Variants in PID1 observed in about 807,000 individuals in gnomAD.
PID1 encodes phosphotyrosine interaction domain containing 1.
Under a neutral mutation model 19.1 loss-of-function variants are expected in PID1, and 10 were observed. That is an observed-to-expected ratio of 0.52 (90% CI 0.32 to 0.89). The LOEUF (loss-of-function observed/expected upper bound fraction) is 0.89, where lower values mean the gene tolerates loss of function less well. Among genes scored for constraint, PID1 ranks in the 40% least tolerant of loss-of-function variants. PID1 has a pLI of 0.03. For synonymous variants in PID1, 130 were observed against 116.0 expected, an observed-to-expected ratio of 1.12 and a Z score of -0.78; for missense variants, 248 against 285.3, an observed-to-expected ratio of 0.87 and a Z score of 0.94.
chr2:229,099,523 G>T (rs1695035467), intron 2 of PID1, among the ~76,000 whole-genome samples: 1 of 152,128 alleles, frequency 6.6e-6, no homozygotes, highest in African/African-American at 2.4e-5. Flanking sequence ...AAGCGGGAGA[G>T]TTTATTTGAT....
intron 2 of PID1, among the ~76,000 whole-genome samples, chr2:229,026,522 G>GA (rs1693427978): frequency 6.6e-6 from 1 of 152,142 alleles, no homozygotes; most frequent in Non-Finnish European, 1.5e-5. Flanking sequence ...CACTGAGTTG[G>GA]AAAAACAAAA....
intron 1 of PID1, among the ~76,000 whole-genome samples, chr2:229,217,329 C>T (rs376321471): frequency 6.6e-6 from 1 of 152,192 alleles, no homozygotes; most frequent in Non-Finnish European, 1.5e-5. Context: ...TTAGGATTTG[C>T]TTTGTTTACT....
chr2:229,237,120 A>G (rs1417872123), intron 1 of PID1, among the ~76,000 whole-genome samples: 1 of 152,128 alleles, frequency 6.6e-6, no homozygotes, highest in Non-Finnish European at 1.5e-5. Context: ...GAACTACATG[A>G]TAGATCATGA....
intron 1 of PID1, among the ~76,000 whole-genome samples, chr2:229,265,702 G>C (rs1690578319): frequency 6.6e-6 from 1 of 152,136 alleles, no homozygotes; most frequent in Non-Finnish European, 1.5e-5. Context: ...TCCCTGAACT[G>C]CTGCTATTCA....
intron 2 of PID1, among the ~76,000 whole-genome samples, chr2:229,064,084 C>T (rs1694271148): frequency 6.6e-6 from 1 of 152,078 alleles, no homozygotes; most frequent in African/African-American, 2.4e-5. Context: ...GTGTGTAAGT[C>T]ACCTAATTGT....
chr2:229,093,790 A>G (rs1694922299), intron 2 of PID1, among the ~76,000 whole-genome samples: 2 of 152,160 alleles, frequency 1.3e-5, no homozygotes, highest in South Asian at 2.1e-4. Context: ...CAATCTAGGC[A>G]TAGAAAGAGC....
intron 2 of PID1, among the ~76,000 whole-genome samples, chr2:229,117,092 T>C (rs1408218858): frequency 6.6e-6 from 1 of 152,222 alleles, no homozygotes; most frequent in Non-Finnish European, 1.5e-5. Context: ...ATACATATCA[T>C]TTCAGTCCAG....
At chr2:229,227,921 G>C (rs765714601) in intron 1 of PID1, 1 of 454,664 alleles carries the variant, frequency 2.2e-6, no homozygotes, top group South Asian at 1.6e-5. Context: ...AGGAGGGTGT[G>C]CATCAGTTGT....
chr2:229,182,399 T>C (rs1690964766), intron 1 of PID1, among the ~76,000 whole-genome samples: 2 of 150,976 alleles, frequency 1.3e-5, no homozygotes, highest in South Asian at 2.2e-4. Flanking sequence ...AAATAAAACA[T>C]ATTTTTTAAA....
intron 2 of PID1, among the ~76,000 whole-genome samples, chr2:229,069,286 A>G (rs1281391660): frequency 2.0e-5 from 3 of 151,980 alleles, no homozygotes; most frequent in Non-Finnish European, 4.4e-5. Flanking sequence ...GGACATTAAA[A>G]AATATCACTC....
At chr2:229,270,063 A>T (rs1478151859) in intron 1 of PID1, among the ~76,000 whole-genome samples, 2 of 152,198 alleles carry the variant, frequency 1.3e-5, no homozygotes, top group East Asian at 3.9e-4. Context: ...GCCTGGCCTC[A>T]TTGTCCTAAG....
intron 2 of PID1, among the ~76,000 whole-genome samples, chr2:229,065,758 A>C (rs1466810468): frequency 1.4e-5 from 2 of 148,132 alleles, no homozygotes; most frequent in Non-Finnish European, 3.0e-5. Flanking sequence ...AGATTTATGT[A>C]AGGCATGAAC....
At chr2:229,242,165 C>T (rs1484687123) in intron 1 of PID1, among the ~76,000 whole-genome samples, 1 of 152,104 alleles carries the variant, frequency 6.6e-6, no homozygotes, top group African/African-American at 2.4e-5. Flanking sequence ...AGCCACCATG[C>T]CTGGCTAGTA....
chr2:229,167,621 A>G (rs1690626268), intron 1 of PID1, among the ~76,000 whole-genome samples: 1 of 152,206 alleles, frequency 6.6e-6, no homozygotes, highest in Admixed American at 6.5e-5. Flanking sequence ...ACTAAATACA[A>G]TATATGATCT....
intron 1 of PID1, among the ~76,000 whole-genome samples, chr2:229,225,825 C>T (rs1390610113): frequency 6.6e-6 from 1 of 152,148 alleles, no homozygotes; most frequent in Non-Finnish European, 1.5e-5. Flanking sequence ...ATAAAACCAT[C>T]AGATCTCGTG....
intron 2 of PID1, among the ~76,000 whole-genome samples, chr2:229,090,552 T>G (rs549798602): frequency 6.6e-6 from 1 of 152,310 alleles, no homozygotes; most frequent in African/African-American, 2.4e-5. Flanking sequence ...AGAGTTTTCT[T>G]GAACTTAATA....
At chr2:229,224,188 T>G (rs760710508) in intron 1 of PID1, among the ~76,000 whole-genome samples, 2 of 152,170 alleles carry the variant, frequency 1.3e-5, no homozygotes, top group Non-Finnish European at 2.9e-5. Context: ...TAACCAATGT[T>G]GGCGATGATG....
intron 1 of PID1, among the ~76,000 whole-genome samples, chr2:229,188,452 G>T (rs568149248): frequency 6.6e-6 from 1 of 152,098 alleles, no homozygotes; most frequent in Non-Finnish European, 1.5e-5. Context: ...GATTGTGTCT[G>T]TTAGGCCAGG....
chr2:229,208,941 G>C (rs1250382743), intron 1 of PID1, among the ~76,000 whole-genome samples: 1 of 152,206 alleles, frequency 6.6e-6, no homozygotes, highest in Admixed American at 6.5e-5. Context: ...GGCTTTCATG[G>C]CTGGAGAGTA....
Sources: allele counts gnomAD v4.1 joint callset (sites outside exome capture counted in the v4.1 genomes callset), GRCh38; gene constraint gnomAD v4.1.1; transcripts MANE v1.5; gene names NCBI Gene and HGNC (gene_info 2026-07-23, HGNC 2026-07-21).